Variants in HTT observed in about 807,000 individuals in gnomAD.
The protein encoded by HTT is huntington disease protein.
Under a neutral mutation model 362.3 loss-of-function variants are expected in HTT, and 104 were observed. The observed-to-expected ratio is 0.29, with a 90% CI of 0.24 to 0.34. HTT has a LOEUF of 0.34. Among genes scored for constraint, HTT ranks in the 10% least tolerant of loss-of-function variants. The pLI is 1.00. For missense variants in HTT, 3,301 were observed against 3,928.6 expected (o/e 0.84, Z 4.27); for synonymous variants, 1,577 against 1,548.7 (o/e 1.02, Z -0.43).
In HTT at chr4:3,172,198, A is replaced by T. The variant is rs531000497; in HGVS notation, c.3865-122A>T. 1,141 of 708,048 alleles carry T rather than the reference A, an allele frequency of 1.6e-3. 18 individuals carry two copies. Among genetic ancestry groups the T allele is most frequent in the South Asian group, 0.015 (937 of 62,028 alleles). 43.9% of individuals were successfully genotyped at this position (708,048 alleles called of 1,614,324 possible). A position where few individuals can be genotyped will look rare whatever the true frequency, so the allele number is the denominator to read the frequency against. ...ATAAGAAATTGAAAACTTTCCTCTG[A>T]TTTTCCTCTACTATTTACACAATTT... is the stretch of plus-strand genomic sequence containing the variant. On this transcript the variant is annotated intron_variant, in intron 29 of 66. Transcript: ENST00000355072.
intron 29 of HTT, among the ~76,000 whole-genome samples, chr4:3,168,028 G>C (rs1284660254): frequency 6.6e-6 from 1 of 152,078 alleles, no homozygotes; most frequent in African/African-American, 2.4e-5. Flanking sequence ...TTTTATCCGT[G>C]GTCTTTTAGA....
At position 3,237,010 on chromosome 4, in the gene HTT, G is replaced by A. The variant is rs562796279; in HGVS notation, c.8891+756G>A. 1.1e-3 allele frequency among the ~76,000 whole-genome samples: 173 copies of A among 152,186 alleles called. 1 individual carries two copies. Among genetic ancestry groups the A allele is most frequent in the African/African-American group, 3.6e-3 (150 of 41,542 alleles). On this transcript the variant is annotated intron_variant, in intron 64 of 66. Transcript: ENST00000355072. Reference sequence around the variant, plus strand: ...ATACTCAGGTGGACCTTGCTCCACTGTTTGACCAGATGAGGCATTCTGAAC... The same window carrying A: ...ATACTCAGGTGGACCTTGCTCCACTATTTGACCAGATGAGGCATTCTGAAC...
intron 29 of HTT, among the ~76,000 whole-genome samples, chr4:3,165,005 T>A (rs1410475619): frequency 6.6e-6 from 1 of 152,248 alleles, no homozygotes; most frequent in Admixed American, 6.5e-5. Context: ...TGATGCAGTT[T>A]CTTCATAGCG....
chr4:3,209,666 C>A (rs988976408), intron 46 of HTT, among the ~76,000 whole-genome samples, 161 bp from the exon 47 acceptor site: 3 of 152,164 alleles, frequency 2.0e-5, no homozygotes, highest in Admixed American at 2.0e-4. Flanking sequence ...AAGGGGAAAA[C>A]CTGTGGTGTG....
chr4:3,225,587 C>G, intron 56 of HTT, 74 bp from the exon 57 acceptor site: 1 of 1,358,856 alleles, frequency 7.4e-7, no homozygotes, highest in Non-Finnish European at 1.0e-6. Flanking sequence ...TGGGCAGGAG[C>G]TGGGCTGGTA....
intron 23 of HTT, among the ~76,000 whole-genome samples, chr4:3,143,423 C>T (rs1354528723): frequency 8.5e-5 from 10 of 117,320 alleles, no homozygotes; most frequent in South Asian, 5.4e-4. Context: ...TGCAATAGAG[C>T]GAGACTCTGT....
At chr4:3,123,056 C>T (rs866290603) in intron 10 of HTT, 120 bp downstream of exon 10, 2 of 628,760 alleles carry the variant, frequency 3.2e-6, no homozygotes, top group Admixed American at 2.9e-5. Context: ...TATCTCTTCT[C>T]AGATGAGTGA....
In HTT at chr4:3,103,806, T is replaced by G. The variant is rs1404736392; in HGVS notation, c.469-18T>G. ...TGATGGGATGTGTCTTCCATAAATC[T>G]CTTGTGATTTGTTGTAGGCTTTGAT... On this transcript the variant is annotated intron_variant, in intron 3 of 66. Coordinates refer to ENST00000355072, the MANE Select transcript of HTT (RefSeq NM_001388492.1). The G allele has an allele frequency of 1.3e-6, 2 of 1,537,302 alleles. No individual in the cohort carries two copies. The highest frequency in any genetic ancestry group is 1.1e-5 in the South Asian group (1 of 87,544).
chr4:3,164,668 TATGTAATGG>T (rs1193136463), intron 29 of HTT, among the ~76,000 whole-genome samples: 1 of 152,224 alleles, frequency 6.6e-6, no homozygotes, highest in Non-Finnish European at 1.5e-5. Flanking sequence ...CCTTTACCAT[TATGTAATGG>T]CCTTCTTTGT....
intron 1 of HTT, among the ~76,000 whole-genome samples, chr4:3,077,280 A>G (rs1265644256): frequency 6.6e-6 from 1 of 151,996 alleles, no homozygotes; most frequent in East Asian, 1.9e-4. Flanking sequence ...TCTTCCTTCC[A>G]CCCCTTTCCT....
At chr4:3,194,985 G>A (rs1328527138) in intron 40 of HTT, among the ~76,000 whole-genome samples, 4 of 152,074 alleles carry the variant, frequency 2.6e-5, no homozygotes, top group Non-Finnish European at 4.4e-5. Context: ...AGTATTTCCC[G>A]CTTTGTGCTT....
At position 3,233,360 on chromosome 4, in the gene HTT, G is replaced by T; in HGVS notation, c.8456+7G>T. The T allele has an allele frequency of 6.3e-7, 1 of 1,588,582 alleles. No individual in the cohort carries two copies. The highest frequency in any genetic ancestry group is 1.3e-5 in the African/African-American group (1 of 74,688). ...ACCTGAAAGGGATCGCCCAGTGAGT[G>T]GGAGCCTGGCTGGGGCTGGGGCGGG... On this transcript the variant is annotated splice_region_variant and intron_variant, in intron 61 of 66. Transcript: ENST00000355072.
At chr4:3,224,289 TAGTC>T (rs1484499735) in intron 56 of HTT, among the ~76,000 whole-genome samples, 158 bp downstream of exon 56, 1 of 152,298 alleles carries the variant, frequency 6.6e-6, no homozygotes, top group South Asian at 2.1e-4. Flanking sequence ...GCAGGAGTCT[TAGTC>T]AGGCCCAGGG....
At chr4:3,146,549 G>A (rs6855981) in intron 24 of HTT, among the ~76,000 whole-genome samples, 50,848 of 152,044 alleles carry the variant, frequency 0.33, 8,936 homozygotes, top group East Asian at 0.39. Context: ...CCTAGTAAAA[G>A]CATTCCTTCA....
In HTT at chr4:3,239,882, G is replaced by C; in HGVS notation, c.9252G>C (p.Glu3084Asp). Residue 3084 changes from glutamate (E) to aspartate (D), a missense_variant, in exon 67 of 67, where the codon GAG (glutamate) becomes GAC (aspartate). Physicochemically the swap from Glu to Asp is conservative, Grantham distance 45. This residue lies in a region of HTT where 753 missense variants were observed against 1,021.3 expected (regional missense o/e 0.74). Transcript: ENST00000355072. ...TCATCAGCAGGATGGGCAAGCTGGA[G>C]CAGGTGGACGTGAACCTTTTCTGCC... ...PHVISRMGKLEQVDVNLFCLV... is the reference protein window; with the variant it reads ...PHVISRMGKLDQVDVNLFCLV... 6.4e-7 allele frequency: 1 copy of C among 1,566,968 alleles called. No individual in the cohort carries two copies. Among genetic ancestry groups the C allele is most frequent in the East Asian group, 2.3e-5 (1 of 42,868 alleles).
chr4:3,179,997 A>G (rs1345698076), intron 35 of HTT, among the ~76,000 whole-genome samples: 1 of 152,248 alleles, frequency 6.6e-6, no homozygotes, highest in Non-Finnish European at 1.5e-5. Context: ...ATAGTAGACC[A>G]GTTAATTTAT....
intron 40 of HTT, among the ~76,000 whole-genome samples, chr4:3,191,836 G>A (rs560660828): frequency 6.6e-6 from 1 of 152,320 alleles, no homozygotes; most frequent in East Asian, 1.9e-4. Flanking sequence ...AAAGTTGTCT[G>A]AAGTCTATAA....
At chr4:3,202,880 C>T (rs539637926) in intron 41 of HTT, 70 of 152,384 alleles carry the variant, frequency 4.6e-4, no homozygotes, top group African/African-American at 1.6e-3. Flanking sequence ...CAATCACGTC[C>T]CTGTAGTTCA....
intron 10 of HTT, among the ~76,000 whole-genome samples, chr4:3,125,274 A>G (rs1237245128): frequency 3.3e-5 from 5 of 152,124 alleles, no homozygotes. Context: ...AAATCAATAA[A>G]TATTAATTAT....
Sources: gnomAD v4.1 joint callset for allele counts (sites outside exome capture counted in the v4.1 genomes callset) on GRCh38, gnomAD v4.1.1 for gene constraint, gnomAD v4.1.1 regional missense constraint, MANE v1.5 for transcripts, NCBI Gene and HGNC (gene_info 2026-07-23, HGNC 2026-07-21) for gene names.